The following TNRC6B variants were observed in gnomAD, a reference collection of about 807,000 sequenced individuals.
TNRC6B encodes the protein trinucleotide repeat containing adaptor 6B.
In TNRC6B, 52 loss-of-function variants were observed where a neutral mutation model predicts 203.6. That is an observed-to-expected ratio of 0.26 (90% CI 0.20 to 0.32). TNRC6B has a LOEUF of 0.32. TNRC6B is among the 10% of genes least tolerant of loss of function. TNRC6B has a pLI of 1.00. For missense variants in TNRC6B, 1,923 were observed against 2,286.2 expected, an observed-to-expected ratio of 0.84 and a Z score of 3.24; for synonymous variants, 838 against 845.7, an observed-to-expected ratio of 0.99 and a Z score of 0.16.
intron 1 of TNRC6B, among the ~76,000 whole-genome samples, chr22:40,056,522 A>T (rs540865904): frequency 1.4e-4 from 21 of 152,156 alleles, no homozygotes; most frequent in Non-Finnish European, 2.9e-4. Context: ...GGCTGGGTGC[A>T]GTGGCTCATG....
chr22:40,283,861 G>A (rs1420472317), intron 11 of TNRC6B, among the ~76,000 whole-genome samples: 1 of 152,186 alleles, frequency 6.6e-6, no homozygotes, highest in African/African-American at 2.4e-5. Context: ...CCCTCAGGAA[G>A]CAATTTTGTA....
chr22:40,238,374 C>G (rs1402466503), intron 1 of TNRC6B, among the ~76,000 whole-genome samples: 1 of 152,272 alleles, frequency 6.6e-6, no homozygotes, highest in East Asian at 1.9e-4. Context: ...CATTTAGGTG[C>G]TTGTGTTCAC....
At chr22:40,073,292 TTTG>T (rs2067971123) in intron 1 of TNRC6B, among the ~76,000 whole-genome samples, 1 of 152,136 alleles carries the variant, frequency 6.6e-6, no homozygotes, top group Non-Finnish European at 1.5e-5. Context: ...GAACACGTTT[TTTG>T]TTAAGTGAAG....
At chr22:40,167,903 A>G (rs945758321) in intron 4 of TNRC6B, among the ~76,000 whole-genome samples, 2 of 151,950 alleles carry the variant, frequency 1.3e-5, no homozygotes, top group African/African-American at 4.8e-5. Context: ...AAAATACGGG[A>G]TAATTGGGCA....
intron 4 of TNRC6B, among the ~76,000 whole-genome samples, chr22:40,172,214 C>A (rs1423119758): frequency 1.3e-5 from 2 of 152,178 alleles, no homozygotes; most frequent in Non-Finnish European, 2.9e-5. Context: ...TTAAATGTTG[C>A]TCCTGAGAAA....
chr22:40,107,790 C>T (rs2068299395), intron 1 of TNRC6B, among the ~76,000 whole-genome samples: 2 of 151,736 alleles, frequency 1.3e-5, no homozygotes, highest in African/African-American at 4.8e-5. Context: ...CAGTGGCTAC[C>T]CCCCTTTCTC....
At chr22:40,171,420 C>G (rs2068997369) in intron 4 of TNRC6B, among the ~76,000 whole-genome samples, 1 of 152,048 alleles carries the variant, frequency 6.6e-6, no homozygotes, top group Non-Finnish European at 1.5e-5. Context: ...CTCGGCCTCC[C>G]AAAGTGCTGG....
chr22:40,272,579 A>G (rs2070579527), intron 6 of TNRC6B, among the ~76,000 whole-genome samples: 1 of 152,182 alleles, frequency 6.6e-6, no homozygotes, highest in African/African-American at 2.4e-5. Context: ...TCATCATTTT[A>G]TACAGTATTT....
At chr22:40,170,703 A>G (rs2068975496) in intron 4 of TNRC6B, among the ~76,000 whole-genome samples, 1 of 138,892 alleles carries the variant, frequency 7.2e-6, no homozygotes. Flanking sequence ...AAATTCCTAT[A>G]CATACATATA....
At chr22:40,200,407 C>T (rs2069396988) in intron 1 of TNRC6B, among the ~76,000 whole-genome samples, 1 of 148,752 alleles carries the variant, frequency 6.7e-6, no homozygotes, top group Non-Finnish European at 1.5e-5. Context: ...CTGCCTCAGC[C>T]TCCCGAGTAG....
At chr22:40,094,299 TAAGA>T (rs1417320301) in intron 1 of TNRC6B, among the ~76,000 whole-genome samples, 3 of 152,042 alleles carry the variant, frequency 2.0e-5, no homozygotes, top group Admixed American at 6.6e-5. Context: ...TATGCTCCAT[TAAGA>T]AAGAAAGAAT....
intron 1 of TNRC6B, among the ~76,000 whole-genome samples, chr22:40,088,387 G>A (rs1163673705): frequency 6.6e-6 from 1 of 152,018 alleles, no homozygotes; most frequent in Non-Finnish European, 1.5e-5. Context: ...CTCAGTATCT[G>A]CAACTTATTT....
chr22:40,195,705 T>A (rs1022864431), intron 1 of TNRC6B, among the ~76,000 whole-genome samples: 1 of 152,182 alleles, frequency 6.6e-6, no homozygotes, highest in Non-Finnish European at 1.5e-5. Context: ...CCTCCTGCCT[T>A]TGCCTCCCAA....
intron 15 of TNRC6B, among the ~76,000 whole-genome samples, chr22:40,307,370 G>A (rs571924227): frequency 5.3e-5 from 8 of 152,256 alleles, no homozygotes; most frequent in Middle Eastern, 3.4e-3. Flanking sequence ...AGGCTTGCTC[G>A]CCTCCCTGGG....
intron 2 of TNRC6B, among the ~76,000 whole-genome samples, chr22:40,122,719 C>A (rs182857085): frequency 5.1e-4 from 77 of 152,272 alleles, no homozygotes; most frequent in African/African-American, 1.8e-3. Context: ...AAATGGAGAT[C>A]ACTGGGGATC....
Position 40,222,014 on chromosome 22 carries a change from T to TA in TNRC6B, c.6-24000dup, listed in dbSNP as rs533394885. ...AAATGTACCAGAAGGTAGGATGACT[T>TA]ACATCTAACTCACTTTAAGCCCCGG... is the stretch of plus-strand genomic sequence containing the variant. On this transcript the variant is annotated intron_variant, in intron 1 of 22. Coordinates refer to ENST00000454349, the MANE Select transcript of TNRC6B (RefSeq NM_001162501.2). Among the ~76,000 whole-genome samples the TA allele has an allele frequency of 6.6e-5, 10 of 152,222 alleles. No homozygotes were observed. The South Asian group carries it at 2.1e-3, about 32-fold the overall frequency.
intron 4 of TNRC6B, among the ~76,000 whole-genome samples, chr22:40,163,210 TAG>T (rs1236152613): frequency 1.3e-5 from 2 of 150,954 alleles, no homozygotes; most frequent in Non-Finnish European, 2.9e-5. Flanking sequence ...GCTCAGGAAT[TAG>T]AGAACAGCCT....
intron 12 of TNRC6B, among the ~76,000 whole-genome samples, chr22:40,293,867 T>C (rs1015357148): frequency 2.0e-5 from 3 of 151,858 alleles, no homozygotes; most frequent in African/African-American, 7.2e-5. Context: ...GGTAGAATTG[T>C]TGGGAAAGTG....
intron 2 of TNRC6B, among the ~76,000 whole-genome samples, chr22:40,250,251 G>A (rs1322531839): frequency 6.6e-6 from 1 of 152,202 alleles, no homozygotes; most frequent in Non-Finnish European, 1.5e-5. Flanking sequence ...CCTTTTGGAT[G>A]TTTTGCTTGT....
Sources: gnomAD v4.1 joint callset for allele counts (sites outside exome capture counted in the v4.1 genomes callset) on GRCh38, gnomAD v4.1.1 for gene constraint, MANE v1.5 for transcripts, NCBI Gene and HGNC (gene_info 2026-07-23, HGNC 2026-07-21) for gene names.